The following ELP4 variants were observed in gnomAD, a reference collection of about 807,000 sequenced individuals.
ELP4 encodes elongator complex protein 4.
In ELP4, 51 loss-of-function variants were observed where a neutral mutation model predicts 48.9. The observed-to-expected ratio is 1.04, with a 90% CI of 0.83 to 1.32. ELP4 has a LOEUF of 1.32. ELP4 is among the 40% of genes most tolerant of loss of function. The probability of loss-of-function intolerance (pLI) is 0.00; values close to 1 mark genes in which losing one functional copy is unlikely to be tolerated. For synonymous variants in ELP4, 210 were observed against 189.2 expected (o/e 1.11, Z -0.90); for missense variants, 519 against 514.6 (o/e 1.01, Z -0.08).
At chr11:31,735,409 T>C (rs552100527) in intron 9 of ELP4, among the ~76,000 whole-genome samples, 160 of 152,332 alleles carry the variant, frequency 1.1e-3, no homozygotes, top group Middle Eastern at 3.4e-3. Flanking sequence ...CTTTGAAAGC[T>C]GGCACAAGAC....
intron 7 of ELP4, among the ~76,000 whole-genome samples, chr11:31,637,096 G>A (rs1317877311): frequency 1.3e-5 from 2 of 151,752 alleles, no homozygotes; most frequent in African/African-American, 2.4e-5. Flanking sequence ...AACTATGGAC[G>A]GCTCCCCTAT....
chr11:31,558,089 C>G (rs1292326049), intron 3 of ELP4, among the ~76,000 whole-genome samples: 1 of 151,640 alleles, frequency 6.6e-6, no homozygotes, highest in East Asian at 1.9e-4. Context: ...GTGCTTACTA[C>G]TCTGAAGTGT....
chr11:31,594,080 C>T (rs374829216), intron 3 of ELP4, among the ~76,000 whole-genome samples: 3 of 152,132 alleles, frequency 2.0e-5, no homozygotes, highest in South Asian at 4.1e-4. Context: ...TTTCCTTCTT[C>T]AAGAAACTTA....
chr11:31,777,015 AT>A (rs1192720506), intron 9 of ELP4, among the ~76,000 whole-genome samples: 1 of 152,168 alleles, frequency 6.6e-6, no homozygotes, highest in Non-Finnish European at 1.5e-5. Context: ...ATATATGACA[AT>A]AATGCAAAAT....
intron 9 of ELP4, among the ~76,000 whole-genome samples, chr11:31,699,759 G>A (rs911406751): frequency 6.6e-5 from 10 of 152,154 alleles, no homozygotes; most frequent in African/African-American, 2.4e-4. Context: ...GACATCACAA[G>A]TGGGTCAACT....
intron 9 of ELP4, among the ~76,000 whole-genome samples, chr11:31,709,896 A>G (rs1017987037): frequency 6.6e-6 from 1 of 152,198 alleles, no homozygotes; most frequent in African/African-American, 2.4e-5. Context: ...ATTACTATGT[A>G]TTGAGAATGC....
chr11:31,599,474 C>T (rs1306781029), intron 4 of ELP4: 1 of 140,752 alleles, frequency 7.1e-6, no homozygotes, highest in Non-Finnish European at 1.5e-5. Context: ...TTGCCTTTCT[C>T]ATTTTAATAC....
At chr11:31,621,782 T>C (rs550979398) in intron 5 of ELP4, among the ~76,000 whole-genome samples, 80 of 152,038 alleles carry the variant, frequency 5.3e-4, no homozygotes, top group Middle Eastern at 3.4e-3. Context: ...TTTGGCTATG[T>C]TGAATGGAGC....
intron 9 of ELP4, chr11:31,654,941 C>T (rs1945397787): frequency 6.6e-6 from 1 of 151,512 alleles, no homozygotes; most frequent in East Asian, 1.9e-4. Flanking sequence ...GGCCTGTAGT[C>T]CAATATACTA....
intron 9 of ELP4, among the ~76,000 whole-genome samples, chr11:31,728,952 T>G (rs1215274199): frequency 6.6e-6 from 1 of 152,188 alleles, no homozygotes; most frequent in Non-Finnish European, 1.5e-5. Flanking sequence ...GAGCTTTCTA[T>G]TTGAATTGTT....
chr11:31,712,768 GA>G (rs1946768518), intron 9 of ELP4, among the ~76,000 whole-genome samples: 1 of 151,750 alleles, frequency 6.6e-6, no homozygotes, highest in Non-Finnish European at 1.5e-5. Context: ...CATTACCTTT[GA>G]AAAAAACAGT....
chr11:31,510,520 A>G (rs1955971390), intron 1 of ELP4: 1 of 406,098 alleles, frequency 2.5e-6, no homozygotes, highest in South Asian at 1.1e-4. Context: ...TGGCTTTAAG[A>G]GAGCGAATGT....
chr11:31,552,878 C>G (rs904332716), intron 3 of ELP4, among the ~76,000 whole-genome samples: 5 of 152,108 alleles, frequency 3.3e-5, no homozygotes, highest in Non-Finnish European at 7.4e-5. Context: ...ATATCTCCCC[C>G]TGACTTTATT....
intron 1 of ELP4, among the ~76,000 whole-genome samples, chr11:31,517,188 C>A (rs1237546538): frequency 6.9e-6 from 1 of 145,874 alleles, no homozygotes; most frequent in Non-Finnish European, 1.5e-5. Context: ...ATCAAAGGAA[C>A]TTTTTTTTTT....
chr11:31,609,196 G>A (rs1476207448), intron 5 of ELP4, among the ~76,000 whole-genome samples: 3 of 152,166 alleles, frequency 2.0e-5, no homozygotes, highest in East Asian at 1.9e-4. Context: ...GGCTGCTATC[G>A]GGTCTTTTGT....
intron 3 of ELP4, among the ~76,000 whole-genome samples, chr11:31,569,084 CAA>C (rs557931299): frequency 7.9e-6 from 1 of 126,930 alleles, no homozygotes; most frequent in Non-Finnish European, 1.7e-5. Context: ...GACCCCATCT[CAA>C]AAAAAAAAAT....
chr11:31,674,569 A>T (rs1474927411), intron 9 of ELP4, among the ~76,000 whole-genome samples: 3 of 152,240 alleles, frequency 2.0e-5, no homozygotes, highest in African/African-American at 7.2e-5. Flanking sequence ...AAAACATTTA[A>T]TATGGAAAGG....
intron 9 of ELP4, among the ~76,000 whole-genome samples, chr11:31,696,824 T>C (rs2134149437): frequency 6.6e-6 from 1 of 152,172 alleles, no homozygotes; most frequent in African/African-American, 2.4e-5. Context: ...TAACCTTAAA[T>C]GTAAATAGGC....
intron 4 of ELP4, among the ~76,000 whole-genome samples, chr11:31,597,374 G>C (rs1029374007): frequency 1.3e-5 from 2 of 152,152 alleles, no homozygotes; most frequent in Non-Finnish European, 2.9e-5. Flanking sequence ...ATGTGAACGA[G>C]AACTGGGTGC....
Sources: gnomAD v4.1 joint callset for allele counts (sites outside exome capture counted in the v4.1 genomes callset) on GRCh38, gnomAD v4.1.1 for gene constraint, MANE v1.5 for transcripts, NCBI Gene and HGNC (gene_info 2026-07-23, HGNC 2026-07-21) for gene names.